EYS: variants seen among roughly 807,000 people sequenced by gnomAD.
EYS encodes EGF-like photoreceptor maintenance factor.
Under a neutral mutation model 282.1 loss-of-function variants are expected in EYS, and 250 were observed. The observed-to-expected ratio is 0.89, with a 90% confidence interval of 0.80 to 0.98. The LOEUF is 0.98. Among genes scored for constraint, EYS ranks in the 50% least tolerant of loss-of-function variants. EYS has a pLI of 0.00. For synonymous variants in EYS, 1,355 were observed against 1,282.9 expected, an observed-to-expected ratio of 1.06 and a Z score of -1.20; for missense variants, 4,016 against 3,709.0, an observed-to-expected ratio of 1.08 and a Z score of -2.15.
At chr6:64,743,992 A>G (rs772406555) in intron 22 of EYS, among the ~76,000 whole-genome samples, 10 of 152,024 alleles carry the variant, frequency 6.6e-5, no homozygotes, top group Admixed American at 3.9e-4. Flanking sequence ...TGCATAGATG[A>G]CTCTTTGTAA....
At chr6:63,726,201 A>G (rs1768607240) in intron 42 of EYS, among the ~76,000 whole-genome samples, 1 of 152,168 alleles carries the variant, frequency 6.6e-6, no homozygotes, top group Non-Finnish European at 1.5e-5. Flanking sequence ...CCTTTTAAAA[A>G]ATCTTTTATA....
intron 22 of EYS, among the ~76,000 whole-genome samples, chr6:64,799,190 C>G (rs1341783459): frequency 6.6e-6 from 1 of 151,694 alleles, no homozygotes; most frequent in Non-Finnish European, 1.5e-5. Context: ...TTTGTTTTAC[C>G]TCTACTACTT....
chr6:64,865,727 G>A (rs2150051079), intron 19 of EYS, among the ~76,000 whole-genome samples: 1 of 152,192 alleles, frequency 6.6e-6, no homozygotes, highest in Admixed American at 6.5e-5. Context: ...AGGTAAGAAT[G>A]TAGAAACACA....
At chr6:65,033,083 T>A (rs1349995944) in intron 13 of EYS, among the ~76,000 whole-genome samples, 1 of 151,674 alleles carries the variant, frequency 6.6e-6, no homozygotes, top group African/African-American at 2.4e-5. Context: ...AAATCAAGAG[T>A]GATAATTTAG....
intron 15 of EYS, among the ~76,000 whole-genome samples, chr6:64,942,984 G>A (rs1456251343): frequency 6.6e-6 from 1 of 151,972 alleles, no homozygotes; most frequent in Non-Finnish European, 1.5e-5. Context: ...ATACTAGGAA[G>A]CCTAATATGG....
chr6:65,636,365 C>T (rs1767088750), intron 2 of EYS, among the ~76,000 whole-genome samples: 1 of 152,148 alleles, frequency 6.6e-6, no homozygotes, highest in South Asian at 2.1e-4. Context: ...TCTGGCTACA[C>T]TTTTTTGCTT....
At chr6:65,539,055 A>T (rs1298566959) in intron 2 of EYS, among the ~76,000 whole-genome samples, 1 of 152,226 alleles carries the variant, frequency 6.6e-6, no homozygotes, top group African/African-American at 2.4e-5. Flanking sequence ...ATTATTCTCC[A>T]TTGTATTTAA....
chr6:65,046,167 G>A (rs1452297199), intron 13 of EYS, among the ~76,000 whole-genome samples: 1 of 151,694 alleles, frequency 6.6e-6, no homozygotes, highest in Non-Finnish European at 1.5e-5. Flanking sequence ...TTAATTCTAT[G>A]CAACTCCTCT....
intron 26 of EYS, among the ~76,000 whole-genome samples, chr6:64,444,959 G>A (rs1775071093): frequency 6.6e-6 from 1 of 152,166 alleles, no homozygotes; most frequent in African/African-American, 2.4e-5. Flanking sequence ...GGAGATGTTG[G>A]TGCTATGCTG....
chr6:63,812,362 C>G (rs1349901882), intron 36 of EYS, among the ~76,000 whole-genome samples: 1 of 152,172 alleles, frequency 6.6e-6, no homozygotes, highest in African/African-American at 2.4e-5. Flanking sequence ...GTGTTCTCTC[C>G]TCACAGGGCC....
intron 12 of EYS, among the ~76,000 whole-genome samples, chr6:65,097,045 C>A (rs1167890390): frequency 6.6e-6 from 1 of 150,758 alleles, no homozygotes; most frequent in Non-Finnish European, 1.5e-5. Flanking sequence ...AGGAAATGAT[C>A]AACAGCATGA....
At chr6:64,193,479 C>G (rs908258356) in intron 31 of EYS, among the ~76,000 whole-genome samples, 1 of 150,566 alleles carries the variant, frequency 6.6e-6, no homozygotes, top group Non-Finnish European at 1.5e-5. Context: ...CCCGGCTAAT[C>G]TTTTTTTTTC....
At chr6:65,596,476 T>A (rs966842394) in intron 2 of EYS, among the ~76,000 whole-genome samples, 1 of 152,198 alleles carries the variant, frequency 6.6e-6, no homozygotes, top group South Asian at 2.1e-4. Flanking sequence ...AAAGATGTGA[T>A]TTTTATGTAA....
intron 18 of EYS, among the ~76,000 whole-genome samples, chr6:64,897,572 C>G (rs1052938339): frequency 1.3e-5 from 2 of 152,100 alleles, no homozygotes; most frequent in African/African-American, 4.8e-5. Flanking sequence ...AATTTCTCAC[C>G]AGCAAGGGAA....
At chr6:63,732,659 C>T (rs1378833718) in intron 41 of EYS, among the ~76,000 whole-genome samples, 1 of 152,124 alleles carries the variant, frequency 6.6e-6, no homozygotes, top group Non-Finnish European at 1.5e-5. Context: ...TATTCTGAAA[C>T]CGTAAATTAA....
At chr6:65,620,056 A>G (rs1268571494) in intron 2 of EYS, among the ~76,000 whole-genome samples, 1 of 152,164 alleles carries the variant, frequency 6.6e-6, no homozygotes, top group Non-Finnish European at 1.5e-5. Flanking sequence ...TATCAGGATG[A>G]TGCTGGCCTC....
chr6:65,415,980 G>A (rs1767216641), intron 5 of EYS, among the ~76,000 whole-genome samples: 1 of 151,912 alleles, frequency 6.6e-6, no homozygotes, highest in African/African-American at 2.4e-5. Context: ...TTGTAATTTT[G>A]CAGGGGGTTA....
chr6:64,471,987 A>AG (rs1562013779), intron 26 of EYS, among the ~76,000 whole-genome samples: 1 of 151,968 alleles, frequency 6.6e-6, no homozygotes, highest in East Asian at 1.9e-4. Context: ...CACAAAAAAA[A>AG]TTTGAGGTGA....
chr6:65,306,279 G>A (rs532941566), intron 11 of EYS, among the ~76,000 whole-genome samples: 54 of 152,280 alleles, frequency 3.5e-4, no homozygotes, highest in African/African-American at 1.3e-3. Context: ...GCCTTGTTGG[G>A]AATATGGAAA....
Sources: gnomAD v4.1 joint callset for allele counts (sites outside exome capture counted in the v4.1 genomes callset) on GRCh38, gnomAD v4.1.1 for gene constraint, MANE v1.5 for transcripts, NCBI Gene and HGNC (gene_info 2026-07-23, HGNC 2026-07-21) for gene names.